TMEM117: variants seen among roughly 807,000 people sequenced by gnomAD.
TMEM117 encodes transmembrane protein 117.
A neutral mutation model predicts 52.4 loss-of-function variants in TMEM117; 27 were observed. The observed-to-expected ratio is 0.51, with a 90% confidence interval of 0.38 to 0.71. The LOEUF is 0.71. TMEM117 is among the 30% of genes least tolerant of loss of function. The probability of loss-of-function intolerance (pLI) is 0.00; values close to 1 mark genes in which losing one functional copy is unlikely to be tolerated. For missense variants in TMEM117, 556 were observed against 630.5 expected, an observed-to-expected ratio of 0.88 and a Z score of 1.26; for synonymous variants, 215 against 206.3, an observed-to-expected ratio of 1.04 and a Z score of -0.36.
At chr12:43,934,231 G>T (rs2137588146) in intron 2 of TMEM117, among the ~76,000 whole-genome samples, 1 of 152,166 alleles carries the variant, frequency 6.6e-6, no homozygotes, top group Middle Eastern at 3.4e-3. Context: ...CTTTTTATTT[G>T]ATGGCTAACT....
intron 4 of TMEM117, among the ~76,000 whole-genome samples, chr12:44,209,442 TCA>T (rs1949616665): frequency 2.6e-5 from 4 of 151,434 alleles, no homozygotes; most frequent in Admixed American, 6.6e-5. Context: ...GTTGAAAAAA[TCA>T]TCGATGAACT....
chr12:43,913,534 A>G (rs563509275), intron 2 of TMEM117, among the ~76,000 whole-genome samples: 5 of 152,176 alleles, frequency 3.3e-5, no homozygotes, highest in Non-Finnish European at 5.9e-5. Context: ...GGCTGGGGCT[A>G]TCTGAGTGAC....
At chr12:43,875,318 G>T (rs1943777213) in intron 2 of TMEM117, among the ~76,000 whole-genome samples, 1 of 152,168 alleles carries the variant, frequency 6.6e-6, no homozygotes, top group African/African-American at 2.4e-5. Context: ...GGTGTGCCGG[G>T]AGCCATCTGA....
chr12:44,106,720 C>A (rs143144183), intron 3 of TMEM117, among the ~76,000 whole-genome samples: 2 of 117,466 alleles, frequency 1.7e-5, no homozygotes, highest in African/African-American at 6.3e-5. Context: ...CAGAAAAATT[C>A]TTCTATAGAT....
chr12:44,372,053 T>C (rs1026820599), intron 6 of TMEM117, among the ~76,000 whole-genome samples: 6 of 152,140 alleles, frequency 3.9e-5, no homozygotes, highest in Non-Finnish European at 5.9e-5. Context: ...CTGATGAGAA[T>C]TGGAGTAGCG....
chr12:43,979,553 G>A (rs1945725744), intron 3 of TMEM117, among the ~76,000 whole-genome samples: 1 of 152,088 alleles, frequency 6.6e-6, no homozygotes, highest in African/African-American at 2.4e-5. Context: ...TTTTGCAAGG[G>A]GAATAGTATA....
intron 5 of TMEM117, among the ~76,000 whole-genome samples, chr12:44,239,747 A>T (rs1950039667): frequency 6.6e-6 from 1 of 152,112 alleles, no homozygotes; most frequent in African/African-American, 2.4e-5. Flanking sequence ...GATATTTAAT[A>T]TCACAAAATA....
At chr12:43,979,585 A>C (rs1945726582) in intron 3 of TMEM117, among the ~76,000 whole-genome samples, 1 of 152,160 alleles carries the variant, frequency 6.6e-6, no homozygotes, top group Non-Finnish European at 1.5e-5. Context: ...TTAAGTCAAC[A>C]ATAACTATAG....
intron 3 of TMEM117, among the ~76,000 whole-genome samples, chr12:44,046,873 G>A (rs1443149408): frequency 2.0e-5 from 3 of 152,112 alleles, no homozygotes; most frequent in Non-Finnish European, 4.4e-5. Flanking sequence ...TTGGGTTGGG[G>A]ATTGATGTGT....
intron 2 of TMEM117, among the ~76,000 whole-genome samples, chr12:43,906,574 T>C (rs1243357768): frequency 1.3e-5 from 2 of 152,100 alleles, no homozygotes; most frequent in Non-Finnish European, 2.9e-5. Flanking sequence ...TGCATTTCCA[T>C]CTGAGGTACC....
At chr12:44,367,380 C>T (rs1951803185) in intron 6 of TMEM117, among the ~76,000 whole-genome samples, 1 of 152,128 alleles carries the variant, frequency 6.6e-6, no homozygotes, top group Non-Finnish European at 1.5e-5. Flanking sequence ...CTTAAACCTT[C>T]AGGGGCATTA....
At chr12:44,370,684 A>AT (rs1951852111) in intron 6 of TMEM117, among the ~76,000 whole-genome samples, 2 of 151,682 alleles carry the variant, frequency 1.3e-5, no homozygotes, top group Admixed American at 1.3e-4. Flanking sequence ...TGCCTGGCTA[A>AT]TTTTTGTATT....
intron 3 of TMEM117, among the ~76,000 whole-genome samples, chr12:44,076,486 T>A (rs576800913): frequency 6.6e-6 from 1 of 152,272 alleles, no homozygotes; most frequent in South Asian, 2.1e-4. Context: ...TAATAATGGA[T>A]CATTATTGTG....
At chr12:44,027,693 G>A (rs541742794) in intron 3 of TMEM117, among the ~76,000 whole-genome samples, 1 of 152,286 alleles carries the variant, frequency 6.6e-6, no homozygotes, top group African/African-American at 2.4e-5. Context: ...TTTCTTAACA[G>A]TGACTAAATG....
At chr12:44,094,841 T>C (rs1359924761) in intron 3 of TMEM117, among the ~76,000 whole-genome samples, 2 of 152,126 alleles carry the variant, frequency 1.3e-5, no homozygotes, top group Non-Finnish European at 2.9e-5. Context: ...GAAATTAAAA[T>C]GTAAGTTCTT....
At chr12:43,955,353 G>C (rs1241654113) in intron 3 of TMEM117, among the ~76,000 whole-genome samples, 7 of 152,120 alleles carry the variant, frequency 4.6e-5, no homozygotes, top group Non-Finnish European at 1.0e-4. Context: ...AAGTCAATTT[G>C]TCTTTGTTTG....
intron 5 of TMEM117, among the ~76,000 whole-genome samples, chr12:44,229,074 T>C (rs1021297556): frequency 6.6e-6 from 1 of 151,760 alleles, no homozygotes; most frequent in Non-Finnish European, 1.5e-5. Context: ...AAAATAGACA[T>C]GAGGAGGAAT....
intron 2 of TMEM117, among the ~76,000 whole-genome samples, chr12:43,862,823 G>C (rs1389152063): frequency 1.3e-5 from 2 of 152,196 alleles, no homozygotes; most frequent in Non-Finnish European, 2.9e-5. Flanking sequence ...TGCAGAATAT[G>C]AGTGGTGAAA....
intron 4 of TMEM117, among the ~76,000 whole-genome samples, chr12:44,207,523 T>A (rs926378066): frequency 2.0e-5 from 3 of 152,152 alleles, no homozygotes; most frequent in African/African-American, 7.2e-5. Flanking sequence ...AATTATAGAC[T>A]GTATCATAGT....
Sources: gnomAD v4.1 joint callset for allele counts (sites outside exome capture counted in the v4.1 genomes callset) on GRCh38, gnomAD v4.1.1 for gene constraint, MANE v1.5 for transcripts, NCBI Gene and HGNC (gene_info 2026-07-23, HGNC 2026-07-21) for gene names.